GUCY1A2: variants seen among roughly 807,000 people sequenced by gnomAD.
The protein encoded by GUCY1A2 is guanylate cyclase 1 soluble subunit alpha 2.
A neutral mutation model predicts 63.5 loss-of-function variants in GUCY1A2; 27 were observed. The ratio of observed to expected loss-of-function variants is 0.43; its 90% confidence interval spans 0.31 to 0.59. The LOEUF is 0.59. GUCY1A2 is among the 20% of genes least tolerant of loss of function. The probability of loss-of-function intolerance (pLI) is 0.11; values close to 1 mark genes in which losing one functional copy is unlikely to be tolerated. For missense variants in GUCY1A2, 768 were observed against 913.3 expected (o/e 0.84, Z 2.05); for synonymous variants, 364 against 343.5 (o/e 1.06, Z -0.66).
In GUCY1A2 at chr11:106,917,474, C is replaced by T. The variant is rs373148948; in HGVS notation, c.1206+21986G>A. ...ACCCAAAGGATTATAAATCATGCTGCTATAAAGACATATGCACATGTATGT... is the reference window on the plus strand; with the variant it reads ...ACCCAAAGGATTATAAATCATGCTGTTATAAAGACATATGCACATGTATGT... On this transcript the variant is annotated intron_variant, in intron 4 of 7. Transcript: ENST00000526355. Among the ~76,000 whole-genome samples, 9 of 145,102 alleles carry T rather than the reference C, an allele frequency of 6.2e-5. 2 individuals are homozygous for T. In the East Asian group the frequency reaches 1.9e-3, roughly 31 times the overall value.
At chr11:106,826,177 G>A (rs1426168937) in intron 4 of GUCY1A2, among the ~76,000 whole-genome samples, 1 of 152,120 alleles carries the variant, frequency 6.6e-6, no homozygotes, top group East Asian at 1.9e-4. Flanking sequence ...TTATCCAAGT[G>A]GTCAGTGTTG....
chr11:107,010,821 C>T (rs1665473972), intron 1 of GUCY1A2, among the ~76,000 whole-genome samples: 1 of 152,098 alleles, frequency 6.6e-6, no homozygotes, highest in South Asian at 2.1e-4. Flanking sequence ...ACCTCCCCCT[C>T]CCACTTTCAG....
chr11:106,931,239 T>C (rs1271828177), intron 4 of GUCY1A2, among the ~76,000 whole-genome samples: 1 of 152,144 alleles, frequency 6.6e-6, no homozygotes, highest in Admixed American at 6.5e-5. Flanking sequence ...ATTACACCAA[T>C]GACTAAAAAG....
At chr11:106,783,610 A>G (rs1297212474) in intron 5 of GUCY1A2, among the ~76,000 whole-genome samples, 1 of 152,198 alleles carries the variant, frequency 6.6e-6, no homozygotes, top group Non-Finnish European at 1.5e-5. Flanking sequence ...CTCCTACAGG[A>G]CTGGGGCATG....
At chr11:107,003,424 T>C (rs1448227135) in intron 1 of GUCY1A2, among the ~76,000 whole-genome samples, 1 of 152,178 alleles carries the variant, frequency 6.6e-6, no homozygotes, top group South Asian at 2.1e-4. Context: ...TTTTATTCTT[T>C]CTGTATATTT....
rs532117169 is a variant in GUCY1A2, at chr11:106,955,578, A to C, written c.488-15400T>G. Reference sequence around the variant, plus strand: ...TGCTTATGAAGCTCAGTTTGGCTAGATGTGAAATTCTGGGTTGAAAATTAT... The same window carrying C: ...TGCTTATGAAGCTCAGTTTGGCTAGCTGTGAAATTCTGGGTTGAAAATTAT... On this transcript the variant is annotated intron_variant, in intron 3 of 7. Transcript: ENST00000526355. Among the ~76,000 whole-genome samples, 24 of 152,222 alleles carry C rather than the reference A, an allele frequency of 1.6e-4. No individual in the cohort carries two copies. The South Asian group carries it at 2.3e-3, about 14-fold the overall frequency.
At chr11:106,918,629 G>A (rs527418108) in intron 4 of GUCY1A2, among the ~76,000 whole-genome samples, 1 of 145,072 alleles carries the variant, frequency 6.9e-6, no homozygotes, top group Admixed American at 6.9e-5. Context: ...AAAAAAGAAA[G>A]GAAATTTTCA....
At chr11:106,716,155 C>T (rs183831675) in intron 6 of GUCY1A2, among the ~76,000 whole-genome samples, 4 of 152,198 alleles carry the variant, frequency 2.6e-5, no homozygotes, top group African/African-American at 9.6e-5. Context: ...TGAAAGGAGG[C>T]CCCTCAAGGT....
chr11:106,959,362 C>A (rs768019918), intron 3 of GUCY1A2, among the ~76,000 whole-genome samples: 5 of 152,152 alleles, frequency 3.3e-5, no homozygotes, highest in Non-Finnish European at 5.9e-5. Context: ...TCTTTTGTAA[C>A]AGAGCCATAT....
chr11:106,726,808 G>A (rs1863416517), intron 6 of GUCY1A2, among the ~76,000 whole-genome samples: 2 of 152,192 alleles, frequency 1.3e-5, no homozygotes, highest in Non-Finnish European at 2.9e-5. Context: ...CCCTTTGGGT[G>A]AGATAAAGGT....
At position 106,959,688 on chromosome 11, in the gene GUCY1A2, T is replaced by G. The variant is rs560409672; in HGVS notation, c.487+18931A>C. Among the ~76,000 whole-genome samples, 23 of 152,336 alleles carry G rather than the reference T, an allele frequency of 1.5e-4. 1 individual carries two copies. In the South Asian group the frequency reaches 4.8e-3, roughly 32 times the overall value. On this transcript the variant is annotated intron_variant, in intron 3 of 7. Transcript: ENST00000526355. ...AAAAGATACCTCCTTCTTGCCCCAG[T>G]CAGGGGCAATTCTGAAGAGATCAGC...
chr11:106,731,707 T>C (rs1863509164), intron 6 of GUCY1A2, among the ~76,000 whole-genome samples: 1 of 152,102 alleles, frequency 6.6e-6, no homozygotes. Context: ...ACAAAATTAA[T>C]ATTTAAAAAT....
intron 4 of GUCY1A2, among the ~76,000 whole-genome samples, chr11:106,913,327 G>T (rs1013323909): frequency 1.3e-5 from 2 of 152,132 alleles, no homozygotes; most frequent in Non-Finnish European, 2.9e-5. Context: ...TCAGCATCTG[G>T]TGAGAGCCTC....
chr11:106,706,474 C>G (rs1862912937), intron 7 of GUCY1A2, among the ~76,000 whole-genome samples: 1 of 151,604 alleles, frequency 6.6e-6, no homozygotes. Context: ...TAAGGATCAT[C>G]ATAAACTGTG....
chr11:107,015,561 CAAAAAAAAAAAAAAAAA>C (rs568139219), intron 1 of GUCY1A2, among the ~76,000 whole-genome samples: 8 of 27,508 alleles, frequency 2.9e-4, no homozygotes, highest in Admixed American at 7.4e-4. Context: ...TTCTCTTAGG[CAAAAAAAAAAAAAAAAA>C]AAAAAAAAAA....
At chr11:106,773,360 G>A (rs1394670863) in intron 6 of GUCY1A2, among the ~76,000 whole-genome samples, 1 of 152,152 alleles carries the variant, frequency 6.6e-6, no homozygotes, top group Non-Finnish European at 1.5e-5. Flanking sequence ...GTCAGTAGCT[G>A]AGGTCTTTCA....
intron 4 of GUCY1A2, among the ~76,000 whole-genome samples, chr11:106,847,044 T>G (rs1859283197): frequency 6.6e-6 from 1 of 151,236 alleles, no homozygotes; most frequent in Admixed American, 6.6e-5. Context: ...CAGGTTTATT[T>G]TGTACAGAAT....
chr11:107,003,036 T>A (rs1054802901), intron 1 of GUCY1A2, among the ~76,000 whole-genome samples: 5 of 151,968 alleles, frequency 3.3e-5, no homozygotes, highest in Non-Finnish European at 7.4e-5. Flanking sequence ...TCTTATCTCA[T>A]CCATCTCCAG....
chr11:106,935,979 T>C (rs1273588068), intron 4 of GUCY1A2, among the ~76,000 whole-genome samples: 3 of 152,100 alleles, frequency 2.0e-5, no homozygotes, highest in Non-Finnish European at 4.4e-5. Context: ...TAATTTCCAA[T>C]GTATAAAACT....
Sources: allele counts gnomAD v4.1 joint callset (sites outside exome capture counted in the v4.1 genomes callset), GRCh38; gene constraint gnomAD v4.1.1; transcripts MANE v1.5; gene names NCBI Gene and HGNC (gene_info 2026-07-23, HGNC 2026-07-21).